MMP12: variants seen among roughly 807,000 people sequenced by gnomAD.
MMP12 encodes the protein macrophage metalloelastase.
In MMP12, 51 loss-of-function variants were observed where a neutral mutation model predicts 45.2. The observed-to-expected ratio is 1.13, with a 90% CI of 0.90 to 1.42. The LOEUF (loss-of-function observed/expected upper bound fraction) is 1.42, where lower values mean the gene tolerates loss of function less well. MMP12 is among the 40% of genes most tolerant of loss of function. The pLI, the probability that MMP12 is intolerant of heterozygous loss-of-function variation, is 0.00. For missense variants in MMP12, 530 were observed against 570.8 expected, an observed-to-expected ratio of 0.93 and a Z score of 0.73; for synonymous variants, 210 against 193.3, an observed-to-expected ratio of 1.09 and a Z score of -0.72.
chr11:102,863,642 T>A (rs782239999), intron 9 of MMP12, among the ~76,000 whole-genome samples: 15 of 152,106 alleles, frequency 9.9e-5, no homozygotes, highest in Admixed American at 3.9e-4. Flanking sequence ...CAAAAAATCT[T>A]GACCCCATGA....
At chr11:102,867,558 A>T (rs1859415252) in intron 5 of MMP12, among the ~76,000 whole-genome samples, 165 bp from the exon 6 acceptor site, 1 of 152,076 alleles carries the variant, frequency 6.6e-6, no homozygotes, top group South Asian at 2.1e-4. Flanking sequence ...TTTTTTTTCC[A>T]CATGGTTGCA....
At chr11:102,866,035 T>C (rs1859380733) in intron 7 of MMP12, 100 bp from the exon 8 acceptor site, 3 of 979,668 alleles carry the variant, frequency 3.1e-6, no homozygotes, top group East Asian at 2.6e-5. Context: ...CCAACAGTTA[T>C]AATATTTATT....
chr11:102,863,083 C>T lies in MMP12; in HGVS notation c.*17G>A. 1 of 1,553,578 alleles carries T rather than the reference C, an allele frequency of 6.4e-7. No homozygotes were observed. The highest frequency in any genetic ancestry group is 1.1e-5 in the South Asian group (1 of 87,560). On this transcript the variant is annotated 3_prime_UTR_variant, in exon 10 of 10. Transcript: ENST00000571244. The stretch of plus-strand genomic sequence containing the variant: ...TAAGCTGAAGTGAACTAACAAAAAC[C>T]ATTAATTACACCATTTCTAACAACC...
Position 102,867,913 on chromosome 11 carries a change from A to C in MMP12, c.782T>G (p.Leu261Arg). 6.2e-7 allele frequency: 1 copy of C among 1,608,822 alleles called. No individual in the cohort carries two copies. The highest frequency in any genetic ancestry group is 1.1e-5 in the South Asian group (1 of 89,536). Reference sequence around the variant, plus strand: ...TGATAAAGAATTCAACTCACCATACAGGGACTGAATGCCACGTATGTCATC... The same window carrying C: ...TGATAAAGAATTCAACTCACCATACCGGGACTGAATGCCACGTATGTCATC... ...SADDIRGIQS[L>R]YGDPKENQRL... Residue 261 changes from leucine to arginine, a missense_variant, in exon 5 of 10, where the codon CTG (leucine) becomes CGG (arginine). Transcript: ENST00000571244.
chr11:102,873,091 C>G lies in MMP12; in HGVS notation c.124G>C (p.Gly42Arg), dbSNP rs950104425. 7 of 1,611,456 alleles carry G rather than the reference C, an allele frequency of 4.3e-6. No homozygotes were observed. The African/African-American group carries it at 9.4e-5, about 22-fold the overall frequency. The change falls in exon 2 of 10, where the codon GGC (glycine) becomes CGC (arginine). Residue 42 changes from glycine (G) to arginine (R), a missense_variant. Physicochemically the swap from Gly to Arg is moderately radical, Grantham distance 125 (BLOSUM62 -2). Transcript: ENST00000571244. Reference protein sequence around the residue: ...FGERYLEKFYGLEINKLPVTK... With the variant: ...FGERYLEKFYRLEINKLPVTK... ...ACTGGAAGTTTGTTTATCTCAAGGC[C>G]ATAAAATTTTTCTAAGTATCTCTGG...
chr11:102,874,684 ACTTAATACTGAAAG>A (rs1555009836), intron 1 of MMP12, among the ~76,000 whole-genome samples, 138 bp downstream of exon 1: 1 of 152,208 alleles, frequency 6.6e-6, no homozygotes, highest in Admixed American at 6.5e-5. Flanking sequence ...ACAAAGTAAA[ACTTAATACTGAAAG>A]CAGACAGCCT....
rs781922799 is a variant in MMP12, at chr11:102,863,056, A to G, written c.*44T>C. 1 of 1,274,988 alleles carries G rather than the reference A, an allele frequency of 7.8e-7. No homozygotes were observed. The highest frequency in any genetic ancestry group is 2.3e-5 in the East Asian group (1 of 42,810). The allele number at this position is 1,274,988 out of a possible 1,614,324, so 79.0% of individuals were successfully genotyped here. On this transcript the variant is annotated 3_prime_UTR_variant, in exon 10 of 10. Transcript: ENST00000571244. Reference sequence around the variant, plus strand: ...CATAGCAAATATGCAATAAATACTTATTAAGCTGAAGTGAACTAACAAAAA... The same window carrying G: ...CATAGCAAATATGCAATAAATACTTGTTAAGCTGAAGTGAACTAACAAAAA...
intron 2 of MMP12, among the ~76,000 whole-genome samples, 185 bp downstream of exon 2, chr11:102,872,680 A>G (rs545685357): frequency 7.9e-5 from 12 of 152,286 alleles, no homozygotes; most frequent in African/African-American, 2.9e-4. Context: ...CTGGCAAGCC[A>G]AACAATTCTC....
intron 2 of MMP12, among the ~76,000 whole-genome samples, chr11:102,872,312 T>A (rs1174587456): frequency 6.6e-6 from 1 of 152,106 alleles, no homozygotes; most frequent in Admixed American, 6.6e-5. Flanking sequence ...TATAGTAAAT[T>A]TAGCTTCATT....
intron 1 of MMP12, among the ~76,000 whole-genome samples, 166 bp from the exon 2 acceptor site, chr11:102,873,278 G>GA (rs1260986001): frequency 5.9e-5 from 9 of 151,796 alleles, no homozygotes; most frequent in South Asian, 2.1e-4. Context: ...TTATAATCAG[G>GA]AAAAAAAACC....
Position 102,862,998 on chromosome 11 carries a change from G to T in MMP12, c.*102C>A. On this transcript the variant is annotated 3_prime_UTR_variant, in exon 10 of 10. Coordinates refer to ENST00000571244, the MANE Select transcript of MMP12 (RefSeq NM_002426.6). ...TATGGTTTACAGATTTTATTTTTAT[G>T]ATACATATCTCTAAGTAGTGGTACA... 3 of 612,540 alleles carry T rather than the reference G, an allele frequency of 4.9e-6. No homozygotes were observed. The highest frequency in any genetic ancestry group is 2.9e-5 in the South Asian group (1 of 34,568). 37.9% of individuals were successfully genotyped at this position (612,540 alleles called of 1,614,324 possible). A position where few individuals can be genotyped will look rare whatever the true frequency, so the allele number is the denominator to read the frequency against.
Position 102,864,029 on chromosome 11 carries a change from A to G in MMP12, c.1312+117T>C, listed in dbSNP as rs1859339278. The G allele has an allele frequency of 7.8e-6, 6 of 767,454 alleles. No individual in the cohort carries two copies. In the East Asian group the frequency reaches 1.3e-4, roughly 17 times the overall value. The allele number at this position is 767,454 out of a possible 1,614,324, so 47.5% of individuals were successfully genotyped here. On this transcript the variant is annotated intron_variant, in intron 9 of 9. Coordinates refer to ENST00000571244, the MANE Select transcript of MMP12 (RefSeq NM_002426.6). ...AGTGTGAGTTTTTCCTTGCGGCCCT[A>G]TGGGGAACTGCAGAAACCTGTCCCT...
intron 9 of MMP12, 77 bp from the exon 10 acceptor site, chr11:102,863,277 T>G: frequency 1.4e-5 from 12 of 842,680 alleles, no homozygotes; most frequent in Non-Finnish European, 1.9e-5. Context: ...CACAAATCTC[T>G]TCTCATAGAT....
intron 4 of MMP12, among the ~76,000 whole-genome samples, chr11:102,871,203 C>T (rs1859487502): frequency 6.6e-6 from 1 of 151,966 alleles, no homozygotes; most frequent in Non-Finnish European, 1.5e-5. Context: ...TGATGCCAGC[C>T]TAAGTGACAG....
At chr11:102,863,516 A>G (rs1183214017) in intron 9 of MMP12, among the ~76,000 whole-genome samples, 1 of 152,194 alleles carries the variant, frequency 6.6e-6, no homozygotes, top group Non-Finnish European at 1.5e-5. Flanking sequence ...CAAAACGTCT[A>G]CCAACAGCCA....
rs1859319608 is a variant in MMP12 at position 102,863,019 on chromosome 11, G to T, written c.*81C>A. On this transcript the variant is annotated 3_prime_UTR_variant, in exon 10 of 10. Transcript: ENST00000571244. ...TTATGATACATATCTCTAAGTAGTGGTACACTGAGGACATAGCAAATATGC... is the reference window on the plus strand; with the variant it reads ...TTATGATACATATCTCTAAGTAGTGTTACACTGAGGACATAGCAAATATGC... 1.3e-6 allele frequency: 1 copy of T among 791,278 alleles called. No individual in the cohort carries two copies. Among genetic ancestry groups the T allele is most frequent in the African/African-American group, 1.8e-5 (1 of 56,788 alleles). The allele number at this position is 791,278 out of a possible 1,614,324, so 49.0% of individuals were successfully genotyped here. A position where few individuals can be genotyped will look rare whatever the true frequency, so the allele number is the denominator to read the frequency against.
At chr11:102,863,307 A>G in intron 9 of MMP12, 107 bp from the exon 10 acceptor site, 2 of 665,078 alleles carry the variant, frequency 3.0e-6, no homozygotes, top group East Asian at 3.0e-5. Flanking sequence ...TAGATGACCT[A>G]TGGGCTGTGG....
intron 9 of MMP12, 150 bp downstream of exon 9, chr11:102,863,996 C>G (rs1859338243): frequency 3.1e-6 from 2 of 639,488 alleles, no homozygotes; most frequent in African/African-American, 1.8e-5. Context: ...CTATTCAGAG[C>G]CACGTACAGT....
rs782709456 is a variant in MMP12, at chr11:102,864,157, TAGA to T, written c.1298_1300del (p.Phe433del). ...CCTCATCTACTTACTGTTTTTAGAG[TAGA>T]AGACTGCATCAATTTTAGGCCCGAT... On this transcript the variant is annotated inframe_deletion, in exon 9 of 10. Transcript: ENST00000571244. 6.2e-7 allele frequency: 1 copy of T among 1,608,440 alleles called. No homozygotes were observed. The highest frequency in any genetic ancestry group is 8.5e-7 in the Non-Finnish European group (1 of 1,174,944).
Sources: allele counts gnomAD v4.1 joint callset (sites outside exome capture counted in the v4.1 genomes callset), GRCh38; gene constraint gnomAD v4.1.1; transcripts MANE v1.5; gene names NCBI Gene and HGNC (gene_info 2026-07-23, HGNC 2026-07-21).